LRMDA: variants seen among roughly 807,000 people sequenced by gnomAD.
LRMDA encodes leucine rich melanocyte differentiation associated.
A neutral mutation model predicts 29.8 loss-of-function variants in LRMDA; 18 were observed. The observed-to-expected ratio is 0.60, with a 90% confidence interval of 0.42 to 0.90. The LOEUF is 0.90. Ranked by LOEUF, LRMDA falls within the 40% of genes least tolerant of loss-of-function variation. LRMDA has a pLI of 0.00. For synonymous variants in LRMDA, 125 were observed against 109.4 expected (o/e 1.14, Z -0.89); for missense variants, 273 against 273.9 (o/e 1.00, Z 0.02).
In LRMDA at chr10:76,022,189, C is replaced by T. The variant is rs762437348; in HGVS notation, c.132-13819C>T. ...GTCGTCTGTTTATGCCCTTGTTTCA[C>T]GAGATTTGGGGCTTTTGGAGGACAG... On this transcript the variant is annotated intron_variant, in intron 2 of 6. Transcript: ENST00000611255. Among the ~76,000 whole-genome samples, 6 of 152,150 alleles carry T rather than the reference C, an allele frequency of 3.9e-5. No homozygotes were observed. In the South Asian group the frequency reaches 6.2e-4, roughly 16 times the overall value.
chr10:76,269,991 C>A (rs1280038145), intron 5 of LRMDA, among the ~76,000 whole-genome samples: 1 of 152,072 alleles, frequency 6.6e-6, no homozygotes, highest in Non-Finnish European at 1.5e-5. Context: ...TCACTCAAGC[C>A]ACTCACCTTT....
At chr10:75,483,659 A>T (rs1259296444) in intron 2 of LRMDA, among the ~76,000 whole-genome samples, 2 of 152,196 alleles carry the variant, frequency 1.3e-5, no homozygotes, top group African/African-American at 4.8e-5. Flanking sequence ...AATGAATGAA[A>T]ATCAAATAAA....
At chr10:75,519,102 T>G (rs971442748) in intron 2 of LRMDA, among the ~76,000 whole-genome samples, 1 of 152,228 alleles carries the variant, frequency 6.6e-6, no homozygotes, top group Non-Finnish European at 1.5e-5. Context: ...TTACATTTGC[T>G]GAGGAGTGTT....
At chr10:75,584,591 G>C (rs959533182) in intron 2 of LRMDA, among the ~76,000 whole-genome samples, 1 of 152,176 alleles carries the variant, frequency 6.6e-6, no homozygotes, top group African/African-American at 2.4e-5. Context: ...GTTTTGTTGG[G>C]CTAGTGAGGT....
At chr10:76,221,446 A>G (rs1395434167) in intron 5 of LRMDA, among the ~76,000 whole-genome samples, 7 of 152,332 alleles carry the variant, frequency 4.6e-5, no homozygotes, top group African/African-American at 1.7e-4. Flanking sequence ...AAACCAATGT[A>G]CAAAAATCAC....
chr10:75,574,946 C>T (rs1485206205), intron 2 of LRMDA, among the ~76,000 whole-genome samples: 3 of 152,166 alleles, frequency 2.0e-5, no homozygotes, highest in Non-Finnish European at 4.4e-5. Flanking sequence ...GTTCTGCAGG[C>T]TGTAGAGGAA....
chr10:76,102,218 A>G (rs1323647902), intron 5 of LRMDA, among the ~76,000 whole-genome samples: 2 of 152,170 alleles, frequency 1.3e-5, no homozygotes, highest in African/African-American at 4.8e-5. Flanking sequence ...TATTGTGAAT[A>G]GTGCCACTAT....
chr10:76,016,750 A>G (rs1847886364), intron 2 of LRMDA, among the ~76,000 whole-genome samples: 1 of 152,212 alleles, frequency 6.6e-6, no homozygotes, highest in Non-Finnish European at 1.5e-5. Flanking sequence ...ATCTTACACT[A>G]GGAATCAGAG....
chr10:76,515,453 A>G (rs1389505214), intron 6 of LRMDA, among the ~76,000 whole-genome samples: 3 of 152,216 alleles, frequency 2.0e-5, no homozygotes, highest in Non-Finnish European at 2.9e-5. Flanking sequence ...CCATTAAAAA[A>G]TAATGAATGT....
chr10:75,848,980 G>A (rs74365743), intron 2 of LRMDA, among the ~76,000 whole-genome samples: 3,027 of 152,230 alleles, frequency 0.02, 93 homozygotes, highest in African/African-American at 0.07. Context: ...GGGAGGCCCT[G>A]TCAGGAGACT....
intron 5 of LRMDA, among the ~76,000 whole-genome samples, chr10:76,157,850 G>C (rs1250794691): frequency 6.6e-6 from 1 of 152,058 alleles, no homozygotes; most frequent in African/African-American, 2.4e-5. Context: ...AACCTAGATG[G>C]TATAGCATGC....
At chr10:76,150,596 G>A (rs531856941) in intron 5 of LRMDA, among the ~76,000 whole-genome samples, 12 of 152,208 alleles carry the variant, frequency 7.9e-5, no homozygotes, top group Non-Finnish European at 1.6e-4. Context: ...TTAAGCGGAT[G>A]TTTGTGTGTG....
At chr10:75,558,680 A>C (rs1288024299) in intron 2 of LRMDA, among the ~76,000 whole-genome samples, 14 of 134,742 alleles carry the variant, frequency 1.0e-4, no homozygotes, top group South Asian at 2.5e-4. Context: ...ATCCCTCCCC[A>C]CTCCCCCCAC....
At chr10:75,633,375 C>T (rs1469274690) in intron 2 of LRMDA, among the ~76,000 whole-genome samples, 1 of 152,204 alleles carries the variant, frequency 6.6e-6, no homozygotes, top group East Asian at 1.9e-4. Context: ...TAAACATCCT[C>T]TTTGATAGTG....
chr10:76,214,019 G>T (rs994446106), intron 5 of LRMDA, among the ~76,000 whole-genome samples: 3 of 152,136 alleles, frequency 2.0e-5, no homozygotes, highest in Non-Finnish European at 4.4e-5. Flanking sequence ...CAGCTGCCTG[G>T]GTTGCATGTT....
rs958863128 is a variant in LRMDA, at chr10:76,123,502, G to A, written c.516+64719G>A. Among the ~76,000 whole-genome samples, 10 of 152,256 alleles carry A rather than the reference G, an allele frequency of 6.6e-5. No individual in the cohort carries two copies. In the East Asian group the frequency reaches 1.4e-3, roughly 21 times the overall value. ...CCAGCCTGGGCAACACAGTGAGACCGTGTCTCAGAACACAAAAACAAAAAC... is the reference window on the plus strand; with the variant it reads ...CCAGCCTGGGCAACACAGTGAGACCATGTCTCAGAACACAAAAACAAAAAC... On this transcript the variant is annotated intron_variant, in intron 5 of 6. Transcript: ENST00000611255.
intron 5 of LRMDA, among the ~76,000 whole-genome samples, chr10:76,119,853 A>T (rs746087770): frequency 1.3e-4 from 20 of 152,314 alleles, no homozygotes; most frequent in Admixed American, 4.6e-4. Flanking sequence ...TTATATTTTA[A>T]TCATGAACCA....
chr10:75,837,126 T>C (rs994956978), intron 2 of LRMDA, among the ~76,000 whole-genome samples: 1 of 152,198 alleles, frequency 6.6e-6, no homozygotes, highest in African/African-American at 2.4e-5. Context: ...GTACTCAAGA[T>C]AGTGCTGAGT....
intron 2 of LRMDA, among the ~76,000 whole-genome samples, chr10:75,845,094 T>A (rs779931404): frequency 6.6e-6 from 1 of 152,120 alleles, no homozygotes; most frequent in African/African-American, 2.4e-5. Context: ...ATAACTTAAA[T>A]GTGTAAATAT....
Sources: allele counts gnomAD v4.1 joint callset (sites outside exome capture counted in the v4.1 genomes callset), GRCh38; gene constraint gnomAD v4.1.1; transcripts MANE v1.5; gene names NCBI Gene and HGNC (gene_info 2026-07-23, HGNC 2026-07-21).